SHISA9: variants seen among roughly 807,000 people sequenced by gnomAD.
SHISA9 encodes the protein protein shisa-9.
SHISA9 carries 13 observed loss-of-function variants against 38.0 expected under a neutral mutation model. That is an observed-to-expected ratio of 0.34 (90% confidence interval 0.22 to 0.54). The LOEUF is 0.54. SHISA9 is among the 20% of genes least tolerant of loss of function. The pLI is 0.91. For synonymous variants in SHISA9, 275 were observed against 242.0 expected (o/e 1.14, Z -1.27); for missense variants, 538 against 575.8 (o/e 0.93, Z 0.67).
At chr16:13,231,073 G>T (rs1349532381) in intron 4 of SHISA9, among the ~76,000 whole-genome samples, 2 of 152,190 alleles carry the variant, frequency 1.3e-5, no homozygotes, top group African/African-American at 4.8e-5. Flanking sequence ...TGGGAATGCA[G>T]CCCAGTAGGT....
At chr16:13,439,688 G>A in the SHISA9 span, among the ~76,000 whole-genome samples, 1 of 152,164 alleles carries the variant, frequency 6.6e-6, no homozygotes, top group Non-Finnish European at 1.5e-5. Context: ...GGCTTCTGGT[G>A]ACCCTTCAAG....
At chr16:13,061,158 C>T (rs1021401430) in intron 2 of SHISA9, among the ~76,000 whole-genome samples, 5 of 152,142 alleles carry the variant, frequency 3.3e-5, no homozygotes, top group African/African-American at 1.2e-4. Context: ...AATGCTTTTT[C>T]AGGCCCTCCA....
chr16:13,195,864 G>T (rs986358046), intron 2 of SHISA9, among the ~76,000 whole-genome samples: 13 of 151,788 alleles, frequency 8.6e-5, no homozygotes, highest in African/African-American at 3.1e-4. Flanking sequence ...GAGGCAGGCA[G>T]ATCACCTGAG....
chr16:13,056,915 C>T (rs985974982), intron 2 of SHISA9, among the ~76,000 whole-genome samples: 7 of 152,160 alleles, frequency 4.6e-5, no homozygotes, highest in African/African-American at 9.7e-5. Context: ...GTAGACACAG[C>T]GGGGCTTAGG....
the SHISA9 span, among the ~76,000 whole-genome samples, chr16:13,278,909 T>C: frequency 6.6e-6 from 1 of 152,050 alleles, no homozygotes; most frequent in African/African-American, 2.4e-5. Context: ...GGTTTCAATT[T>C]CATTTAGTTC....
the SHISA9 span, among the ~76,000 whole-genome samples, chr16:13,503,051 G>A: frequency 3.0e-4 from 46 of 152,282 alleles, no homozygotes; most frequent in African/African-American, 1.0e-3. Flanking sequence ...GGACGACATG[G>A]CAGTTCTCAA....
At chr16:13,160,783 C>G (rs571192119) in intron 2 of SHISA9, among the ~76,000 whole-genome samples, 2 of 152,316 alleles carry the variant, frequency 1.3e-5, no homozygotes, top group African/African-American at 4.8e-5. Flanking sequence ...TGTCAGAATA[C>G]TTCTGCTAGA....
rs574804108 is a variant in SHISA9, at chr16:12,942,236, C to T, written c.691+25421C>T. ...GAGGTTTCAATTCTCTTGTATTTCCCTCCTCGGGACGGGAGAGTGGAACCT... is the reference window on the plus strand; with the variant it reads ...GAGGTTTCAATTCTCTTGTATTTCCTTCCTCGGGACGGGAGAGTGGAACCT... On this transcript the variant is annotated intron_variant, in intron 2 of 4. Coordinates refer to ENST00000558583, the MANE Select transcript of SHISA9 (RefSeq NM_001145204.3). Among the ~76,000 whole-genome samples the T allele has an allele frequency of 1.3e-4, 20 of 152,332 alleles. No individual in the cohort carries two copies. In the East Asian group the frequency reaches 2.5e-3, roughly 19 times the overall value.
chr16:13,349,934 T>C, the SHISA9 span, among the ~76,000 whole-genome samples: 2 of 152,216 alleles, frequency 1.3e-5, no homozygotes, highest in Non-Finnish European at 2.9e-5. Context: ...CAGAGTTCTC[T>C]GAAAGGCCCC....
intron 2 of SHISA9, among the ~76,000 whole-genome samples, chr16:13,151,912 C>T (rs1175722182): frequency 6.6e-6 from 1 of 152,162 alleles, no homozygotes; most frequent in East Asian, 1.9e-4. Flanking sequence ...TTTATCTCCG[C>T]ATCACCAGGG....
chr16:13,311,919 C>G, the SHISA9 span, among the ~76,000 whole-genome samples: 5 of 152,142 alleles, frequency 3.3e-5, no homozygotes, highest in Non-Finnish European at 7.3e-5. Context: ...AGGTAAAGCA[C>G]TTAGAACCCT....
intron 4 of SHISA9, among the ~76,000 whole-genome samples, chr16:13,220,723 C>G (rs936639397): frequency 6.6e-6 from 1 of 152,188 alleles, no homozygotes; most frequent in Non-Finnish European, 1.5e-5. Context: ...TGAGTGGATG[C>G]AGTTCCATCC....
At chr16:13,214,001 G>A (rs2051144399) in intron 4 of SHISA9, among the ~76,000 whole-genome samples, 1 of 152,182 alleles carries the variant, frequency 6.6e-6, no homozygotes, top group South Asian at 2.1e-4. Flanking sequence ...AGTCTTGCTG[G>A]TCTAGAGTCA....
chr16:13,536,317 C>A, the SHISA9 span, among the ~76,000 whole-genome samples: 1 of 151,928 alleles, frequency 6.6e-6, no homozygotes, highest in African/African-American at 2.4e-5. Context: ...TTTCTATCTG[C>A]CTAAATAACT....
At chr16:13,400,267 A>G in the SHISA9 span, among the ~76,000 whole-genome samples, 2 of 152,162 alleles carry the variant, frequency 1.3e-5, no homozygotes, top group African/African-American at 4.8e-5. Context: ...AGTGTGACCC[A>G]GAAAATGAAG....
intron 2 of SHISA9, among the ~76,000 whole-genome samples, chr16:13,084,623 C>A (rs1163646331): frequency 6.6e-6 from 1 of 152,166 alleles, no homozygotes; most frequent in Non-Finnish European, 1.5e-5. Context: ...AACTAAACTA[C>A]CCTTCATGGG....
chr16:13,491,817 CCTTTTTTTTTTT>C, the SHISA9 span, among the ~76,000 whole-genome samples: 279 of 46,916 alleles, frequency 5.9e-3, 29 homozygotes, highest in East Asian at 0.022. Flanking sequence ...TATTTATTGA[CCTTTTTTTTTTT>C]TTTTTTTTTT....
At chr16:13,544,084 G>C in the SHISA9 span, among the ~76,000 whole-genome samples, 1 of 151,984 alleles carries the variant, frequency 6.6e-6, no homozygotes, top group African/African-American at 2.4e-5. Context: ...TTTAGAGGGA[G>C]GCAGTCTCCA....
intron 2 of SHISA9, among the ~76,000 whole-genome samples, chr16:13,140,349 G>A (rs2050391451): frequency 6.6e-6 from 1 of 151,828 alleles, no homozygotes; most frequent in African/African-American, 2.4e-5. Context: ...GCTAATTTTT[G>A]TATTTTTAGT....
Sources: gnomAD v4.1 joint callset for allele counts (sites outside exome capture counted in the v4.1 genomes callset) on GRCh38, gnomAD v4.1.1 for gene constraint, MANE v1.5 for transcripts, NCBI Gene and HGNC (gene_info 2026-07-23, HGNC 2026-07-21) for gene names.